CLYBL: variants seen among roughly 807,000 people sequenced by gnomAD.
The protein encoded by CLYBL is citramalyl-CoA lyase, also known as citramalyl-CoA lyase, mitochondrial.
A neutral mutation model predicts 38.9 loss-of-function variants in CLYBL; 31 were observed. The ratio of observed to expected loss-of-function variants is 0.80; its 90% CI spans 0.60 to 1.08. CLYBL has a LOEUF of 1.08. CLYBL is among the 50% of genes least tolerant of loss of function. The pLI, the probability that CLYBL is intolerant of heterozygous loss-of-function variation, is 0.00. For synonymous variants in CLYBL, 171 were observed against 158.6 expected, an observed-to-expected ratio of 1.08 and a Z score of -0.59; for missense variants, 434 against 411.6, an observed-to-expected ratio of 1.05 and a Z score of -0.47.
At chr13:99,856,960 CA>C (rs1373052938) in intron 2 of CLYBL, among the ~76,000 whole-genome samples, 1 of 151,942 alleles carries the variant, frequency 6.6e-6, no homozygotes, top group Middle Eastern at 3.2e-3. Context: ...TTTCTCCCAG[CA>C]GCTCTAGACA....
intron 1 of CLYBL, among the ~76,000 whole-genome samples, chr13:99,607,030 C>T (rs958214699): frequency 1.3e-5 from 2 of 152,194 alleles, no homozygotes; most frequent in Non-Finnish European, 2.9e-5. Context: ...AAACTGCCTG[C>T]CTCCCCCAAA....
At chr13:99,661,242 AAG>A (rs1211006522) in intron 1 of CLYBL, among the ~76,000 whole-genome samples, 1 of 151,738 alleles carries the variant, frequency 6.6e-6, no homozygotes, top group Non-Finnish European at 1.5e-5. Flanking sequence ...AGCAAAGTAA[AAG>A]AGAAAAAAAA....
At chr13:99,750,082 C>A (rs568174692) in intron 1 of CLYBL, among the ~76,000 whole-genome samples, 1 of 152,230 alleles carries the variant, frequency 6.6e-6, no homozygotes, top group East Asian at 1.9e-4. Flanking sequence ...CTTCTGTAAC[C>A]ATTGGAATTG....
chr13:99,766,868 TCC>T (rs2049279029), intron 1 of CLYBL, among the ~76,000 whole-genome samples: 1 of 152,196 alleles, frequency 6.6e-6, no homozygotes, highest in Non-Finnish European at 1.5e-5. Context: ...GGGACAAACC[TCC>T]TATAGTGTGG....
chr13:99,687,794 G>T (rs1348901472), intron 1 of CLYBL, among the ~76,000 whole-genome samples: 1 of 152,214 alleles, frequency 6.6e-6, no homozygotes, highest in South Asian at 2.1e-4. Context: ...AGTTATGTGA[G>T]AATATGTCTG....
At chr13:99,626,172 G>A (rs1459175265) in intron 1 of CLYBL, among the ~76,000 whole-genome samples, 1 of 152,238 alleles carries the variant, frequency 6.6e-6, no homozygotes, top group Non-Finnish European at 1.5e-5. Flanking sequence ...GTGGCTTTTG[G>A]AGGGCACCTG....
intron 1 of CLYBL, among the ~76,000 whole-genome samples, chr13:99,639,286 G>A (rs749788531): frequency 1.3e-5 from 2 of 152,162 alleles, no homozygotes; most frequent in East Asian, 1.9e-4. Flanking sequence ...CTGTGGACAC[G>A]CAGCATGGTC....
chr13:99,723,204 A>G (rs569018543), intron 1 of CLYBL, among the ~76,000 whole-genome samples: 1 of 152,372 alleles, frequency 6.6e-6, no homozygotes, highest in African/African-American at 2.4e-5. Context: ...CTTCCGGAGC[A>G]ATAAACATCT....
At position 99,681,837 on chromosome 13, in the gene CLYBL, C is replaced by T. The variant is rs141745163; in HGVS notation, c.62+75080C>T. The stretch of plus-strand genomic sequence containing the variant: ...CTGACCTCAAGTGATCCACCTGTCT[C>T]GGCCCCCCACAGTGCCAGGATTACA... On this transcript the variant is annotated intron_variant, in intron 1 of 8. Transcript: ENST00000339105. 5.6e-3 allele frequency among the ~76,000 whole-genome samples: 847 copies of T among 152,182 alleles called. 2 individuals are homozygous for T. The highest frequency in any genetic ancestry group is 0.013 in the South Asian group (63 of 4,812).
intron 2 of CLYBL, among the ~76,000 whole-genome samples, chr13:99,794,764 G>A (rs962044465): frequency 2.6e-5 from 4 of 151,812 alleles, no homozygotes; most frequent in African/African-American, 7.2e-5. Context: ...GCTAATTTTT[G>A]TATTTTTGGT....
chr13:99,666,538 G>A (rs534792093), intron 1 of CLYBL, among the ~76,000 whole-genome samples: 1 of 151,926 alleles, frequency 6.6e-6, no homozygotes, highest in Non-Finnish European at 1.5e-5. Flanking sequence ...TTGTTATTTC[G>A]AGCCAGTCAG....
At chr13:99,809,582 A>G (rs556079690) in intron 2 of CLYBL, among the ~76,000 whole-genome samples, 1 of 152,306 alleles carries the variant, frequency 6.6e-6, no homozygotes, top group African/African-American at 2.4e-5. Context: ...CTTTCCCCTC[A>G]TGGGGGAATG....
intron 2 of CLYBL, among the ~76,000 whole-genome samples, chr13:99,856,096 G>T (rs916148071): frequency 6.6e-6 from 1 of 152,110 alleles, no homozygotes; most frequent in Non-Finnish European, 1.5e-5. Flanking sequence ...TTGGAAGTAG[G>T]TACTTCATTT....
intron 1 of CLYBL, among the ~76,000 whole-genome samples, chr13:99,668,585 C>CAAAAAAAAA (rs61178644): frequency 7.5e-6 from 1 of 133,732 alleles, no homozygotes; most frequent in Non-Finnish European, 1.6e-5. Flanking sequence ...AACTCCATCT[C>CAAAAAAAAA]AAAAAAAAAA....
At position 99,693,853 on chromosome 13, in the gene CLYBL, C is replaced by T. The variant is rs1417832649; in HGVS notation, c.63-78971C>T. Among the ~76,000 whole-genome samples the T allele has an allele frequency of 2.0e-5, 3 of 152,194 alleles. No individual in the cohort carries two copies. The East Asian group carries it at 5.8e-4, about 29-fold the overall frequency. On this transcript the variant is annotated intron_variant, in intron 1 of 8. Coordinates refer to ENST00000339105, the MANE Select transcript of CLYBL (RefSeq NM_206808.5). ...CTTTCTGATTTCTTCTGCTACCTTT[C>T]ACTCGGAGCCTGTGATTTCTAACAT...
chr13:99,763,594 G>T (rs1238645851), intron 1 of CLYBL, among the ~76,000 whole-genome samples: 4 of 125,494 alleles, frequency 3.2e-5, no homozygotes, highest in African/African-American at 1.2e-4. Context: ...TGCTCTTGTT[G>T]CCCAGGCTGT....
intron 2 of CLYBL, among the ~76,000 whole-genome samples, chr13:99,854,556 G>A (rs1335885570): frequency 1.3e-5 from 2 of 151,992 alleles, no homozygotes; most frequent in African/African-American, 4.8e-5. Flanking sequence ...TTCTCCAGAT[G>A]GCGAGACTGT....
At chr13:99,860,656 C>A (rs921002900) in intron 3 of CLYBL, among the ~76,000 whole-genome samples, 1 of 152,224 alleles carries the variant, frequency 6.6e-6, no homozygotes, top group Admixed American at 6.5e-5. Context: ...GCCAGCCTTC[C>A]GCTATGGCTT....
intron 2 of CLYBL, among the ~76,000 whole-genome samples, chr13:99,858,281 G>A (rs548059914): frequency 6.6e-6 from 1 of 152,296 alleles, no homozygotes; most frequent in African/African-American, 2.4e-5. Context: ...AGCTTTTCTT[G>A]TAGTACACAT....
Sources: gnomAD v4.1 joint callset for allele counts (sites outside exome capture counted in the v4.1 genomes callset) on GRCh38, gnomAD v4.1.1 for gene constraint, MANE v1.5 for transcripts, NCBI Gene and HGNC (gene_info 2026-07-23, HGNC 2026-07-21) for gene names.